Variants in B3GAT2 observed in about 807,000 individuals in gnomAD.
B3GAT2 encodes the protein galactosylgalactosylxylosylprotein 3-beta-glucuronosyltransferase 2.
A neutral mutation model predicts 27.8 loss-of-function variants in B3GAT2; 26 were observed. The observed-to-expected ratio is 0.93, with a 90% CI of 0.68 to 1.30. The LOEUF is 1.30. Among genes scored for constraint, B3GAT2 ranks in the 50% most tolerant of loss-of-function variants. B3GAT2 has a pLI of 0.00. For synonymous variants in B3GAT2, 218 were observed against 195.1 expected, an observed-to-expected ratio of 1.12 and a Z score of -0.98; for missense variants, 458 against 459.0, an observed-to-expected ratio of 1.00 and a Z score of 0.02.
intron 1 of B3GAT2, among the ~76,000 whole-genome samples, chr6:70,925,843 T>C (rs2150043633): frequency 6.6e-6 from 1 of 152,348 alleles, no homozygotes; most frequent in South Asian, 2.1e-4. Context: ...ACAGACTGCC[T>C]CCTCAAGTGG....
At chr6:70,862,065 A>AGTT in intron 2 of B3GAT2, 87 bp from the exon 3 acceptor site, 1 of 1,259,256 alleles carries the variant, frequency 7.9e-7, no homozygotes, top group Non-Finnish European at 1.1e-6. Context: ...ACATCAAAAC[A>AGTT]GTTTTTAAAA....
chr6:70,937,009 A>G (rs1310975430), intron 1 of B3GAT2, among the ~76,000 whole-genome samples: 203 of 152,220 alleles, frequency 1.3e-3, no homozygotes, highest in Non-Finnish European at 2.2e-3. Context: ...ACCACTAGCA[A>G]GACTAATAAA....
chr6:70,947,551 T>C (rs1765511803), intron 1 of B3GAT2, among the ~76,000 whole-genome samples: 1 of 152,004 alleles, frequency 6.6e-6, no homozygotes. Context: ...AATCTCTGAA[T>C]AGACCAATAA....
chr6:70,912,140 G>T (rs188871024), intron 1 of B3GAT2, among the ~76,000 whole-genome samples: 1 of 152,150 alleles, frequency 6.6e-6, no homozygotes, highest in African/African-American at 2.4e-5. Context: ...TTGCTTGACT[G>T]CTCTGCCTAG....
chr6:70,925,221 C>T (rs957814576), intron 1 of B3GAT2, among the ~76,000 whole-genome samples: 5 of 152,264 alleles, frequency 3.3e-5, no homozygotes, highest in African/African-American at 1.2e-4. Flanking sequence ...ACAGCTCATG[C>T]ATCTGCGTGA....
At chr6:70,861,804 T>C in intron 3 of B3GAT2, 26 bp downstream of exon 3, 1 of 1,614,028 alleles carries the variant, frequency 6.2e-7, no homozygotes, top group Non-Finnish European at 8.5e-7. Flanking sequence ...ACACTCGAGG[T>C]CGGGCAGCAC....
intron 1 of B3GAT2, among the ~76,000 whole-genome samples, chr6:70,918,429 C>T (rs1170337026): frequency 6.6e-6 from 1 of 152,144 alleles, no homozygotes; most frequent in African/African-American, 2.4e-5. Context: ...GAATTTGATC[C>T]TGTCATTATG....
Position 70,894,259 on chromosome 6 carries a change from C to A in B3GAT2, c.605G>T (p.Arg202Leu), listed in dbSNP as rs1251670929. The change falls in exon 2 of 4, where the codon CGC (arginine) becomes CTC (leucine). Residue 202 changes from arginine (R) to leucine (L), a missense_variant. Transcript: ENST00000230053. ...GCCCACAGGCCAGACGGAGACCTTG[C>A]GGGTGGTTCGCATCTATAAAAAGGG... Reference protein sequence around the residue: ...LELFQEMRTTRKVSVWPVGLV... With the variant: ...LELFQEMRTTLKVSVWPVGLV... 5 of 1,588,210 alleles carry A rather than the reference C, an allele frequency of 3.1e-6. No homozygotes were observed. The highest frequency in any genetic ancestry group is 1.7e-4 in the Middle Eastern group (1 of 5,896).
intron 1 of B3GAT2, among the ~76,000 whole-genome samples, chr6:70,950,040 T>G (rs956906392): frequency 1.4e-5 from 2 of 147,488 alleles, no homozygotes; most frequent in African/African-American, 5.0e-5. Flanking sequence ...AACATCACAC[T>G]CTGGGGACTG....
chr6:70,873,366 C>T (rs570810217), intron 2 of B3GAT2, among the ~76,000 whole-genome samples: 9 of 141,140 alleles, frequency 6.4e-5, no homozygotes, highest in African/African-American at 2.3e-4. Flanking sequence ...CCTTCCAGTA[C>T]TTTGAATCTG....
intron 1 of B3GAT2, among the ~76,000 whole-genome samples, chr6:70,924,374 A>C (rs1772919882): frequency 6.6e-6 from 1 of 152,208 alleles, no homozygotes; most frequent in South Asian, 2.1e-4. Flanking sequence ...CTCTATCAAA[A>C]TCCCAATGAT....
intron 2 of B3GAT2, among the ~76,000 whole-genome samples, chr6:70,886,426 T>C (rs1364371058): frequency 6.6e-6 from 1 of 152,182 alleles, no homozygotes; most frequent in Non-Finnish European, 1.5e-5. Context: ...GACATCCTGA[T>C]AGAAAGGAAA....
At position 70,920,463 on chromosome 6, in the gene B3GAT2, G is replaced by A. The variant is rs1226535931; in HGVS notation, c.592-26191C>T. 4.6e-5 allele frequency among the ~76,000 whole-genome samples: 7 copies of A among 152,278 alleles called. No individual in the cohort carries two copies. The South Asian group carries it at 1.2e-3, about 27-fold the overall frequency. ...AACCAATCCCAATGAGATGAACCAG[G>A]TACCTCAGTTGGAAATGCAGAAATT... On this transcript the variant is annotated intron_variant, in intron 1 of 3. Transcript: ENST00000230053.
chr6:70,904,156 T>TATTC (rs1209101280), intron 1 of B3GAT2, among the ~76,000 whole-genome samples: 10 of 152,190 alleles, frequency 6.6e-5, no homozygotes. Context: ...CATATAGTGT[T>TATTC]ATTCCACTTA....
chr6:70,956,857 C>T lies in B3GAT2; in HGVS notation c.-428G>A. The T allele has an allele frequency of 9.8e-7, 1 of 1,023,526 alleles. No individual in the cohort carries two copies. The highest frequency in any genetic ancestry group is 1.2e-6 in the Non-Finnish European group (1 of 855,068). The allele number at this position is 1,023,526 out of a possible 1,614,324, so 63.4% of individuals were successfully genotyped here. A position where few individuals can be genotyped will look rare whatever the true frequency, so the allele number is the denominator to read the frequency against. On this transcript the variant is annotated 5_prime_UTR_variant, in exon 1 of 4. Coordinates refer to ENST00000230053, the MANE Select transcript of B3GAT2 (RefSeq NM_080742.3). Reference sequence around the variant, plus strand: ...GTGCTGCGGGCACAAGGGCTCCAGCCGCGGGCCCCCAGGACGCTCTCTGGG... The same window carrying T: ...GTGCTGCGGGCACAAGGGCTCCAGCTGCGGGCCCCCAGGACGCTCTCTGGG...
At chr6:70,884,879 G>C (rs545606774) in intron 2 of B3GAT2, among the ~76,000 whole-genome samples, 4 of 152,198 alleles carry the variant, frequency 2.6e-5, no homozygotes, top group Non-Finnish European at 5.9e-5. Flanking sequence ...TTGGGGTCAG[G>C]GTGATTACAG....
intron 1 of B3GAT2, among the ~76,000 whole-genome samples, chr6:70,912,796 G>A (rs1772709026): frequency 6.6e-6 from 1 of 152,086 alleles, no homozygotes; most frequent in African/African-American, 2.4e-5. Context: ...GGATCCATCT[G>A]GTCCAGGGCT....
At chr6:70,898,922 C>T (rs957474659) in intron 1 of B3GAT2, among the ~76,000 whole-genome samples, 4 of 151,702 alleles carry the variant, frequency 2.6e-5, no homozygotes, top group African/African-American at 9.7e-5. Context: ...GTGATTGCAC[C>T]ACTGCACTCT....
In B3GAT2 at chr6:70,856,722, C is replaced by T. The variant is rs767323855; in HGVS notation, c.*4941G>A. ...TATGGGCTTGGGCTTGTAAGTGATCCTCTTGAATGGCACCATTTTACCTTC... is the reference window on the plus strand; with the variant it reads ...TATGGGCTTGGGCTTGTAAGTGATCTTCTTGAATGGCACCATTTTACCTTC... On this transcript the variant is annotated 3_prime_UTR_variant, in exon 4 of 4. Coordinates refer to ENST00000230053, the MANE Select transcript of B3GAT2 (RefSeq NM_080742.3). The T allele has an allele frequency of 1.2e-6, 1 of 804,078 alleles. No homozygotes were observed. The highest frequency in any genetic ancestry group is 1.7e-5 in the African/African-American group (1 of 57,672). 49.8% of individuals were successfully genotyped at this position (804,078 alleles called of 1,614,324 possible).
Sources: allele counts gnomAD v4.1 joint callset (sites outside exome capture counted in the v4.1 genomes callset), GRCh38; gene constraint gnomAD v4.1.1; transcripts MANE v1.5; gene names NCBI Gene and HGNC (gene_info 2026-07-23, HGNC 2026-07-21).